Variants in DOP1B observed in about 807,000 individuals in gnomAD.
The protein encoded by DOP1B is protein DOP1B.
In DOP1B, 174 loss-of-function variants were observed where a neutral mutation model predicts 233.5. The observed-to-expected ratio is 0.75, with a 90% CI of 0.66 to 0.85. DOP1B has a LOEUF of 0.85. Ranked by LOEUF, DOP1B falls within the 40% of genes least tolerant of loss-of-function variation. DOP1B has a pLI of 0.00. For missense variants in DOP1B, 2,652 were observed against 2,846.6 expected (o/e 0.93, Z 1.56); for synonymous variants, 1,190 against 1,185.6 (o/e 1.00, Z -0.08).
chr21:36,284,037 T>G (rs2067451131), intron 32 of DOP1B, among the ~76,000 whole-genome samples: 1 of 133,490 alleles, frequency 7.5e-6, no homozygotes, highest in Non-Finnish European at 1.5e-5. Flanking sequence ...AACCTCCACC[T>G]CCCAGGTTCA....
chr21:36,288,880 A>C, intron 34 of DOP1B, 69 bp downstream of exon 34: 2 of 1,473,258 alleles, frequency 1.4e-6, no homozygotes, highest in Non-Finnish European at 1.9e-6. Context: ...CTTTAGATAT[A>C]GAGTTGTCTA....
At chr21:36,193,718 A>G (rs541573858) in intron 2 of DOP1B, among the ~76,000 whole-genome samples, 1 of 152,206 alleles carries the variant, frequency 6.6e-6, no homozygotes, top group South Asian at 2.1e-4. Flanking sequence ...GGCATCACGG[A>G]AAAGTCTCGT....
At chr21:36,166,294 G>A (rs916721144) in intron 2 of DOP1B, among the ~76,000 whole-genome samples, 2 of 151,766 alleles carry the variant, frequency 1.3e-5, no homozygotes, top group African/African-American at 2.4e-5. Flanking sequence ...AAAATTAGCC[G>A]GGCGTGGTGG....
chr21:36,270,848 G>A (rs2067279986), intron 27 of DOP1B, among the ~76,000 whole-genome samples: 1 of 151,008 alleles, frequency 6.6e-6, no homozygotes, highest in Admixed American at 6.6e-5. Flanking sequence ...GGGAGGAGGA[G>A]GTTGCAGTGA....
intron 2 of DOP1B, chr21:36,168,939 A>C: frequency 1.6e-6 from 1 of 628,092 alleles, no homozygotes; most frequent in South Asian, 1.7e-5. Context: ...TTTTATTGAG[A>C]CCCCACCAGG....
Position 36,227,906 on chromosome 21 carries a change from C to G in DOP1B, c.1665+29C>G, listed in dbSNP as rs1173230273. ...TGTACTCTGAGGGGCAGAAATGGTT[C>G]TGGGGGCTAAAAGCAGCTTATGCCT... On this transcript the variant is annotated intron_variant, in intron 13 of 36. Coordinates refer to ENST00000691173, the MANE Select transcript of DOP1B (RefSeq NM_001320714.2). The G allele has an allele frequency of 4.6e-6, 7 of 1,531,906 alleles. No individual in the cohort carries two copies. In the Admixed American group the frequency reaches 7.9e-5, roughly 17 times the overall value. 94.9% of individuals were successfully genotyped at this position (1,531,906 alleles called of 1,614,324 possible).
At chr21:36,198,512 G>A (rs1044257040) in intron 2 of DOP1B, among the ~76,000 whole-genome samples, 15 of 151,952 alleles carry the variant, frequency 9.9e-5, no homozygotes, top group African/African-American at 2.7e-4. Flanking sequence ...TCTGTGCCAC[G>A]AAGGACAGCA....
intron 2 of DOP1B, among the ~76,000 whole-genome samples, chr21:36,180,187 C>A (rs915928454): frequency 1.3e-5 from 2 of 151,954 alleles, no homozygotes; most frequent in Non-Finnish European, 2.9e-5. Flanking sequence ...TAGGTAATAA[C>A]AATTTAGATT....
At chr21:36,251,436 T>A in intron 22 of DOP1B, 152 bp downstream of exon 22, 1 of 1,243,192 alleles carries the variant, frequency 8.0e-7, no homozygotes, top group Non-Finnish European at 1.1e-6. Flanking sequence ...TTTATCTATT[T>A]GAGATGGAGT....
intron 2 of DOP1B, among the ~76,000 whole-genome samples, chr21:36,179,556 A>T (rs901233302): frequency 2.6e-5 from 4 of 152,236 alleles, no homozygotes; most frequent in African/African-American, 9.6e-5. Flanking sequence ...ATAGCAAAAA[A>T]TTGGGAGTGA....
chr21:36,196,521 C>CT lies in DOP1B; in HGVS notation c.139-2536dup, dbSNP rs56758201. On this transcript the variant is annotated intron_variant, in intron 2 of 36. Transcript: ENST00000691173. ...GAAGTTAAGTGGCCTCTCCTCTGTT[C>CT]TTTTTTTTTTTTTCCTTTTTGGAAC... Among the ~76,000 whole-genome samples, 220 of 145,234 alleles carry CT rather than the reference C, an allele frequency of 1.5e-3. 3 individuals are homozygous for CT. The highest frequency in any genetic ancestry group is 1.5e-3 in the Non-Finnish European group (99 of 65,718).
chr21:36,258,121 A>T (rs1355506839), intron 23 of DOP1B, among the ~76,000 whole-genome samples: 1 of 152,088 alleles, frequency 6.6e-6, no homozygotes, highest in East Asian at 1.9e-4. Context: ...AGATATTATG[A>T]TTTTAGAGTG....
At chr21:36,279,745 T>C (rs954264326) in intron 30 of DOP1B, among the ~76,000 whole-genome samples, 1 of 152,244 alleles carries the variant, frequency 6.6e-6, no homozygotes, top group Non-Finnish European at 1.5e-5. Context: ...AGTTTGTTTC[T>C]TTGTGGTAAA....
At chr21:36,277,149 C>G in intron 28 of DOP1B, 49 bp downstream of exon 28, 2 of 1,583,782 alleles carry the variant, frequency 1.3e-6, no homozygotes, top group Middle Eastern at 1.7e-4. Context: ...AGCGCCATCA[C>G]GAATTGTTGC....
intron 2 of DOP1B, among the ~76,000 whole-genome samples, chr21:36,186,529 A>G (rs1032896743): frequency 1.3e-5 from 2 of 152,176 alleles, no homozygotes; most frequent in African/African-American, 4.8e-5. Flanking sequence ...GGAAGTGGAA[A>G]TAGAATGAAT....
At chr21:36,243,646 A>G (rs2066918908) in intron 18 of DOP1B, among the ~76,000 whole-genome samples, 1 of 150,236 alleles carries the variant, frequency 6.7e-6, no homozygotes, top group Admixed American at 6.7e-5. Context: ...CTCATTCTAC[A>G]TAATACTCTT....
chr21:36,189,854 A>G (rs2066211099), intron 2 of DOP1B, among the ~76,000 whole-genome samples: 1 of 151,418 alleles, frequency 6.6e-6, no homozygotes, highest in East Asian at 2.0e-4. Context: ...ACTAAAAAAT[A>G]CAAAAGTTAG....
intron 9 of DOP1B, among the ~76,000 whole-genome samples, chr21:36,217,527 A>AT (rs2066573981): frequency 6.6e-6 from 1 of 152,160 alleles, no homozygotes; most frequent in African/African-American, 2.4e-5. Context: ...TGCTTGCCTG[A>AT]TTGCACTCAG....
At chr21:36,184,279 C>T (rs2066137210) in intron 2 of DOP1B, among the ~76,000 whole-genome samples, 1 of 152,104 alleles carries the variant, frequency 6.6e-6, no homozygotes, top group African/African-American at 2.4e-5. Context: ...AAACTCCCGA[C>T]CTCAGGTGAT....
Sources: allele counts gnomAD v4.1 joint callset (sites outside exome capture counted in the v4.1 genomes callset), GRCh38; gene constraint gnomAD v4.1.1; transcripts MANE v1.5; gene names NCBI Gene and HGNC (gene_info 2026-07-23, HGNC 2026-07-21).